Variants in MBTD1 observed in about 807,000 individuals in gnomAD.
The protein encoded by MBTD1 is mbt domain containing 1.
In MBTD1, 24 loss-of-function variants were observed where a neutral mutation model predicts 87.8. The observed-to-expected ratio is 0.27, with a 90% confidence interval of 0.20 to 0.38. MBTD1 has a LOEUF of 0.38. Among genes scored for constraint, MBTD1 ranks in the 10% least tolerant of loss-of-function variants. The probability of loss-of-function intolerance (pLI) is 1.00; values close to 1 mark genes in which losing one functional copy is unlikely to be tolerated. For missense variants in MBTD1, 436 were observed against 760.2 expected (o/e 0.57, Z 5.02); for synonymous variants, 237 against 248.6 (o/e 0.95, Z 0.44).
At chr17:51,243,515 T>C (rs2054268366) in intron 2 of MBTD1, among the ~76,000 whole-genome samples, 1 of 152,224 alleles carries the variant, frequency 6.6e-6, no homozygotes, top group African/African-American at 2.4e-5. Context: ...CATTTTCTTA[T>C]AACTGGAGCA....
upstream of MBTD1, chr17:51,260,131 G>A (rs2055392786): frequency 2.7e-6 from 1 of 365,900 alleles, no homozygotes; most frequent in Non-Finnish European, 4.9e-6. Context: ...CTCCTCTCTC[G>A]CTTCCACCGT....
chr17:51,245,571 T>C (rs891381517), intron 2 of MBTD1, among the ~76,000 whole-genome samples: 2 of 152,038 alleles, frequency 1.3e-5, no homozygotes, highest in African/African-American at 4.8e-5. Flanking sequence ...ACAGTTCTAA[T>C]ATTTTTTCCA....
intron 2 of MBTD1, among the ~76,000 whole-genome samples, chr17:51,243,551 C>T (rs1437122507): frequency 1.3e-5 from 2 of 152,164 alleles, no homozygotes; most frequent in Non-Finnish European, 2.9e-5. Flanking sequence ...GGAAATCTGA[C>T]AATATATGAT....
At chr17:51,218,118 A>G (rs940080376) in intron 5 of MBTD1, among the ~76,000 whole-genome samples, 1 of 151,840 alleles carries the variant, frequency 6.6e-6, no homozygotes, top group African/African-American at 2.4e-5. Flanking sequence ...ATTTACTTCT[A>G]TTTACTCACT....
chr17:51,229,588 C>T lies in MBTD1; in HGVS notation c.-48-4379G>A, dbSNP rs113736239. On this transcript the variant is annotated intron_variant, in intron 2 of 16. Coordinates refer to ENST00000586178, the MANE Select transcript of MBTD1 (RefSeq NM_017643.3). Reference sequence around the variant, plus strand: ...TCCACACAATGGAAATATTACATTACCAAAGAAGTTCCCTTGGGAGGTTAT... The same window carrying T: ...TCCACACAATGGAAATATTACATTATCAAAGAAGTTCCCTTGGGAGGTTAT... Among the ~76,000 whole-genome samples the T allele has an allele frequency of 1.4e-4, 22 of 152,060 alleles. 2 individuals carry two copies. The highest frequency in any genetic ancestry group is 5.3e-4 in the African/African-American group (22 of 41,470).
At chr17:51,180,730 G>A (rs8065424) in intron 16 of MBTD1, 36 bp from the exon 17 acceptor site, 2 of 1,103,330 alleles carry the variant, frequency 1.8e-6, no homozygotes, top group East Asian at 2.6e-5. Context: ...GGGCATTAAG[G>A]CTCTCTAGAG....
At chr17:51,248,771 A>G (rs2054602184) in intron 2 of MBTD1, among the ~76,000 whole-genome samples, 1 of 152,214 alleles carries the variant, frequency 6.6e-6, no homozygotes, top group African/African-American at 2.4e-5. Flanking sequence ...TTTACTATGA[A>G]TAAAGCTGCC....
In MBTD1 at chr17:51,179,506, A is replaced by ATTTT. The variant is rs1216139425; in HGVS notation, c.*1069_*1070insAAAA. On this transcript the variant is annotated 3_prime_UTR_variant, in exon 17 of 17. Coordinates refer to ENST00000586178, the MANE Select transcript of MBTD1 (RefSeq NM_017643.3). ...ATTTTATATATATATATATATATAT[A>ATTTT]TATATATATATATATATATATATAT... 3.6e-5 allele frequency: 3 copies of ATTTT among 82,330 alleles called. No homozygotes were observed. The highest frequency in any genetic ancestry group is 3.6e-4 in the South Asian group (1 of 2,776). 5.1% of individuals were successfully genotyped at this position (82,330 alleles called of 1,614,324 possible). A position where few individuals can be genotyped will look rare whatever the true frequency, so the allele number is the denominator to read the frequency against.
intron 5 of MBTD1, among the ~76,000 whole-genome samples, chr17:51,218,401 C>A (rs547877737): frequency 6.6e-6 from 1 of 151,600 alleles, no homozygotes; most frequent in Non-Finnish European, 1.5e-5. Context: ...TGGTGGCGTG[C>A]GCCTGTAGTC....
intron 12 of MBTD1, among the ~76,000 whole-genome samples, chr17:51,198,797 C>T (rs956159475): frequency 5.9e-5 from 9 of 151,826 alleles, no homozygotes; most frequent in African/African-American, 1.5e-4. Context: ...CATGGGAATC[C>T]ACGTGATTTT....
upstream of MBTD1, chr17:51,260,941 G>C (rs927761223): frequency 1.3e-6 from 2 of 1,525,934 alleles, no homozygotes; most frequent in Non-Finnish European, 1.8e-6. Context: ...GGGAGGCCGC[G>C]GCGCGCGGGC....
intron 6 of MBTD1, 84 bp downstream of exon 6, chr17:51,217,250 G>A (rs2052621375): frequency 1.4e-6 from 1 of 704,754 alleles, no homozygotes; most frequent in Non-Finnish European, 2.3e-6. Flanking sequence ...ACCTTCTAAG[G>A]ATAAGATGCT....
intron 2 of MBTD1, among the ~76,000 whole-genome samples, chr17:51,255,581 T>C (rs1001776617): frequency 2.0e-5 from 3 of 151,728 alleles, no homozygotes; most frequent in African/African-American, 7.3e-5. Flanking sequence ...TAATAGATGA[T>C]GATAACCTTT....
At chr17:51,182,578 AC>A (rs1277763610) in intron 16 of MBTD1, among the ~76,000 whole-genome samples, 1 of 152,082 alleles carries the variant, frequency 6.6e-6, no homozygotes, top group East Asian at 1.9e-4. Context: ...GCTACTTACT[AC>A]CCCCTGAATC....
At chr17:51,185,746 A>T (rs1245184364) in intron 16 of MBTD1, 1 of 152,218 alleles carries the variant, frequency 6.6e-6, no homozygotes, top group East Asian at 1.9e-4. Flanking sequence ...CAAAACCATG[A>T]AATATTCCAA....
At chr17:51,253,508 A>G (rs1026293022) in intron 2 of MBTD1, among the ~76,000 whole-genome samples, 1 of 152,182 alleles carries the variant, frequency 6.6e-6, no homozygotes, top group African/African-American at 2.4e-5. Flanking sequence ...ATATATCACA[A>G]TATGACTCAC....
At chr17:51,218,003 A>G (rs1168970485) in intron 5 of MBTD1, among the ~76,000 whole-genome samples, 1 of 152,210 alleles carries the variant, frequency 6.6e-6, no homozygotes, top group Non-Finnish European at 1.5e-5. Context: ...GTACAGAATG[A>G]CAAACACTGT....
chr17:51,190,853 G>T (rs890071207), intron 16 of MBTD1, among the ~76,000 whole-genome samples: 1 of 150,088 alleles, frequency 6.7e-6, no homozygotes, highest in Non-Finnish European at 1.5e-5. Context: ...GGCTGAGGTG[G>T]GCAGAGTGCT....
Position 51,218,969 on chromosome 17 carries a change from A to C in MBTD1, c.364T>G (p.Tyr122Asp), listed in dbSNP as rs1211045120. The C allele has an allele frequency of 1.3e-6, 2 of 1,551,116 alleles. No individual in the cohort carries two copies. The highest frequency in any genetic ancestry group is 1.7e-6 in the Non-Finnish European group (2 of 1,146,634). ...GCTTGATTTTGCAAGGTAGCTTGAT[A>C]CTGAGCATATGCGGCTAGCTTAGCA... ...LVAKLAAYAQ[Y>D]QATLQNQAKT... The change falls in exon 5 of 17, where the codon TAT becomes GAT. Residue 122 changes from tyrosine to aspartate, a missense_variant. Transcript: ENST00000586178.
Sources: allele counts gnomAD v4.1 joint callset (sites outside exome capture counted in the v4.1 genomes callset), GRCh38; gene constraint gnomAD v4.1.1; transcripts MANE v1.5; gene names NCBI Gene and HGNC (gene_info 2026-07-23, HGNC 2026-07-21).